Variants in RPS6KC1 observed in about 807,000 individuals in gnomAD.
RPS6KC1 encodes ribosomal protein S6 kinase C1.
A neutral mutation model predicts 103.8 loss-of-function variants in RPS6KC1; 54 were observed. That is an observed-to-expected ratio of 0.52 (90% confidence interval 0.42 to 0.65). The LOEUF is 0.65. RPS6KC1 is among the 30% of genes least tolerant of loss of function. The probability of loss-of-function intolerance (pLI) is 0.00; values close to 1 mark genes in which losing one functional copy is unlikely to be tolerated. For synonymous variants in RPS6KC1, 439 were observed against 438.7 expected (o/e 1.00, Z -0.01); for missense variants, 1,151 against 1,253.8 (o/e 0.92, Z 1.24).
At position 213,241,296 on chromosome 1, in the gene RPS6KC1, A is replaced by G. The variant is rs1402488018; in HGVS notation, c.1820A>G (p.Asp607Gly). Residue 607 changes from aspartate (D) to glycine (G), a missense_variant, in exon 11 of 15, where the codon GAT becomes GGT. Asp to Gly is a moderately conservative substitution (Grantham distance 94). Around this residue, in one of 3 missense-constraint regions of RPS6KC1, gnomAD observed 959 missense variants for 1,006.3 expected, o/e 0.95. Coordinates refer to ENST00000366960, the MANE Select transcript of RPS6KC1 (RefSeq NM_012424.6). ...GAATTCTTTAGGATAGACAGTAAGG[A>G]TAGCGCAAGTGAACTCCTGGGACTT... The part of the protein sequence containing the change: ...PMEFFRIDSK[D>G]SASELLGLDF... 6.2e-7 allele frequency: 1 copy of G among 1,613,882 alleles called. No homozygotes were observed. Among genetic ancestry groups the G allele is most frequent in the Non-Finnish European group, 8.5e-7 (1 of 1,179,944 alleles).
At chr1:213,426,223 G>A in the RPS6KC1 span, among the ~76,000 whole-genome samples, 2 of 152,074 alleles carry the variant, frequency 1.3e-5, no homozygotes, top group Non-Finnish European at 1.5e-5. Context: ...CTTGTGTCTG[G>A]TATTGTGTTC....
chr1:213,642,633 G>T, the RPS6KC1 span, among the ~76,000 whole-genome samples: 43 of 151,770 alleles, frequency 2.8e-4, no homozygotes, highest in African/African-American at 1.0e-3. Flanking sequence ...ATCATTATTT[G>T]TTTCTTTGTT....
intron 8 of RPS6KC1, among the ~76,000 whole-genome samples, chr1:213,195,821 G>GGTGTGTGT (rs60968477): frequency 3.3e-5 from 5 of 149,628 alleles, no homozygotes; most frequent in African/African-American, 1.2e-4. Flanking sequence ...AGTATTCCAT[G>GGTGTGTGT]GTGTGTGTGT....
the RPS6KC1 span, among the ~76,000 whole-genome samples, chr1:213,431,339 CA>C: frequency 1.2e-3 from 188 of 152,090 alleles, no homozygotes; most frequent in African/African-American, 4.4e-3. Context: ...CGGAAAAGTA[CA>C]TAATTCCTAG....
chr1:213,236,684 A>G (rs1215962319), intron 10 of RPS6KC1, among the ~76,000 whole-genome samples: 4 of 152,144 alleles, frequency 2.6e-5, no homozygotes, highest in Non-Finnish European at 5.9e-5. Flanking sequence ...TTAGCAAAAT[A>G]CTTGGTATTT....
chr1:213,443,693 A>G, the RPS6KC1 span, among the ~76,000 whole-genome samples: 1 of 151,986 alleles, frequency 6.6e-6, no homozygotes, highest in Non-Finnish European at 1.5e-5. Context: ...AGGTGGGCAG[A>G]TTGCTTGAGC....
In RPS6KC1 at chr1:213,119,867, A is replaced by G. The variant is rs550560896; in HGVS notation, c.472+2457A>G. Among the ~76,000 whole-genome samples the G allele has an allele frequency of 8.9e-4, 134 of 150,852 alleles. 3 individuals carry two copies. In the South Asian group the frequency reaches 0.029, roughly 33 times the overall value. ...TAATGCTAAAGGAGACACAACCTAA[A>G]GCTAGGGTGAGCATGTAGTTTATTC... is the stretch of plus-strand genomic sequence containing the variant. On this transcript the variant is annotated intron_variant, in intron 5 of 14. Transcript: ENST00000366960.
the RPS6KC1 span, among the ~76,000 whole-genome samples, chr1:213,355,046 T>C: frequency 1.8e-4 from 28 of 152,222 alleles, no homozygotes; most frequent in South Asian, 5.6e-3. Context: ...GGTGAAACCC[T>C]GCCTCTACTA....
the RPS6KC1 span, among the ~76,000 whole-genome samples, chr1:213,735,309 G>C: frequency 6.6e-6 from 1 of 152,210 alleles, no homozygotes; most frequent in Non-Finnish European, 1.5e-5. Flanking sequence ...ATGCTAATCT[G>C]AGACCAAGTC....
chr1:213,079,978 G>A (rs766503672), intron 3 of RPS6KC1, among the ~76,000 whole-genome samples: 3 of 147,244 alleles, frequency 2.0e-5, no homozygotes, highest in Admixed American at 6.9e-5. Context: ...GTGCAGTGGC[G>A]TGATCTCGGC....
chr1:213,174,913 AG>A (rs1261399529), intron 7 of RPS6KC1, among the ~76,000 whole-genome samples: 2 of 152,196 alleles, frequency 1.3e-5, no homozygotes, highest in African/African-American at 4.8e-5. Context: ...ATCAATTTAA[AG>A]GTTATTATCT....
chr1:213,098,436 C>A (rs968505480), intron 3 of RPS6KC1, among the ~76,000 whole-genome samples: 2 of 151,948 alleles, frequency 1.3e-5, no homozygotes, highest in African/African-American at 4.8e-5. Context: ...GCCACTGCAC[C>A]CTGCCTTATT....
At chr1:213,397,058 C>T in the RPS6KC1 span, among the ~76,000 whole-genome samples, 1 of 152,180 alleles carries the variant, frequency 6.6e-6, no homozygotes, top group African/African-American at 2.4e-5. Context: ...AATCTATCTA[C>T]ATCTTTTGGG....
intron 6 of RPS6KC1, among the ~76,000 whole-genome samples, chr1:213,141,085 C>A (rs962450913): frequency 1.3e-5 from 2 of 151,766 alleles, no homozygotes; most frequent in South Asian, 2.1e-4. Context: ...TTAGTAGAGA[C>A]GGGGTTTCAT....
At chr1:213,317,376 C>T in the RPS6KC1 span, among the ~76,000 whole-genome samples, 1 of 152,144 alleles carries the variant, frequency 6.6e-6, no homozygotes, top group African/African-American at 2.4e-5. Flanking sequence ...AAGGTAGGTC[C>T]ACTCTGAGGC....
At chr1:213,278,866 A>G (rs997998981), downstream of RPS6KC1, among the ~76,000 whole-genome samples, 2 of 152,006 alleles carry the variant, frequency 1.3e-5, 1 homozygote, top group Admixed American at 1.3e-4. Flanking sequence ...TGTAGATAGG[A>G]TTTTTAAACA....
chr1:213,598,090 C>CT, the RPS6KC1 span, among the ~76,000 whole-genome samples: 1 of 152,028 alleles, frequency 6.6e-6, no homozygotes, highest in Non-Finnish European at 1.5e-5. Context: ...AGGAAAAAGC[C>CT]CCACAACTTG....
At chr1:213,149,073 A>C (rs777137651) in intron 6 of RPS6KC1, among the ~76,000 whole-genome samples, 1 of 150,418 alleles carries the variant, frequency 6.6e-6, no homozygotes, top group Admixed American at 6.6e-5. Flanking sequence ...TTTTTTTCTT[A>C]GTTTGGCTAA....
At chr1:213,150,181 AT>A (rs201992931) in intron 6 of RPS6KC1, among the ~76,000 whole-genome samples, 1 of 148,048 alleles carries the variant, frequency 6.8e-6, no homozygotes, top group African/African-American at 2.5e-5. Flanking sequence ...CCATTTTGTT[AT>A]TTTTTTTCTG....
Sources: allele counts gnomAD v4.1 joint callset (sites outside exome capture counted in the v4.1 genomes callset), GRCh38; gene constraint gnomAD v4.1.1; regional missense constraint gnomAD v4.1.1; transcripts MANE v1.5; gene names NCBI Gene and HGNC (gene_info 2026-07-23, HGNC 2026-07-21).